Variants in CTNNA3 observed in about 807,000 individuals in gnomAD.
CTNNA3 encodes the protein catenin alpha 3.
Under a neutral mutation model 95.7 loss-of-function variants are expected in CTNNA3, and 76 were observed. That is an observed-to-expected ratio of 0.79 (90% CI 0.66 to 0.96). The LOEUF is 0.96. Among genes scored for constraint, CTNNA3 ranks in the 40% least tolerant of loss-of-function variants. The pLI, the probability that CTNNA3 is intolerant of heterozygous loss-of-function variation, is 0.00. For missense variants in CTNNA3, 1,191 were observed against 1,089.8 expected (o/e 1.09, Z -1.31); for synonymous variants, 431 against 374.4 (o/e 1.15, Z -1.74).
intron 7 of CTNNA3, among the ~76,000 whole-genome samples, chr10:66,782,617 C>G (rs1840585365): frequency 6.6e-6 from 1 of 151,996 alleles, no homozygotes; most frequent in Non-Finnish European, 1.5e-5. Context: ...TCTACACTGA[C>G]ACTTCTTAAA....
intron 13 of CTNNA3, among the ~76,000 whole-genome samples, chr10:66,171,595 A>G (rs957398540): frequency 2.0e-5 from 3 of 152,040 alleles, no homozygotes; most frequent in Non-Finnish European, 2.9e-5. Context: ...AAATGTGCAC[A>G]ATCTATGGAC....
chr10:66,445,692 A>G (rs1663626055), intron 11 of CTNNA3, among the ~76,000 whole-genome samples: 1 of 152,040 alleles, frequency 6.6e-6, no homozygotes, highest in East Asian at 1.9e-4. Flanking sequence ...AGGAAAATTT[A>G]TAGCACTAAA....
intron 14 of CTNNA3, among the ~76,000 whole-genome samples, chr10:66,084,392 T>TA (rs879547904): frequency 1.1e-4 from 17 of 150,476 alleles, no homozygotes; most frequent in South Asian, 1.0e-3. Context: ...AATTAAAAAC[T>TA]AAAAAAAAAG....
At chr10:66,487,104 T>TTATAA (rs1839756338) in intron 11 of CTNNA3, among the ~76,000 whole-genome samples, 2 of 151,134 alleles carry the variant, frequency 1.3e-5, no homozygotes, top group Admixed American at 1.3e-4. Context: ...ACGAATAAGT[T>TTATAA]CAGGGAATCT....
chr10:66,087,195 C>T (rs2081016165), intron 14 of CTNNA3, among the ~76,000 whole-genome samples: 1 of 152,054 alleles, frequency 6.6e-6, no homozygotes, highest in Non-Finnish European at 1.5e-5. Flanking sequence ...TTAAATCAAA[C>T]ACCATCTCCT....
At chr10:65,927,445 T>G (rs756278992) in intron 17 of CTNNA3, among the ~76,000 whole-genome samples, 5 of 152,218 alleles carry the variant, frequency 3.3e-5, no homozygotes, top group Non-Finnish European at 7.3e-5. Flanking sequence ...TTAAGCCTAT[T>G]ATCAGTCAAG....
chr10:66,158,922 T>C (rs1315622076), intron 13 of CTNNA3, among the ~76,000 whole-genome samples: 3 of 152,002 alleles, frequency 2.0e-5, no homozygotes, highest in South Asian at 4.1e-4. Context: ...TTGCAGCTAC[T>C]GTAAAAGGGG....
chr10:67,089,989 A>G (rs1370918763), intron 7 of CTNNA3, among the ~76,000 whole-genome samples: 2 of 152,126 alleles, frequency 1.3e-5, no homozygotes, highest in East Asian at 3.9e-4. Flanking sequence ...ATGAAACAAA[A>G]TAATCAAACT....
intron 12 of CTNNA3, among the ~76,000 whole-genome samples, chr10:66,365,332 C>T (rs1487904132): frequency 1.3e-5 from 2 of 151,974 alleles, no homozygotes; most frequent in African/African-American, 4.8e-5. Flanking sequence ...GGGAGTTGAA[C>T]AATGAGAACA....
chr10:66,051,539 A>G (rs995820068), intron 15 of CTNNA3, among the ~76,000 whole-genome samples: 2 of 152,216 alleles, frequency 1.3e-5, no homozygotes, highest in African/African-American at 4.8e-5. Flanking sequence ...TTTCTAGTTC[A>G]CAATATGTTG....
At chr10:66,152,143 C>G (rs1419136864) in intron 13 of CTNNA3, among the ~76,000 whole-genome samples, 1 of 151,788 alleles carries the variant, frequency 6.6e-6, no homozygotes, top group Admixed American at 6.6e-5. Context: ...AAAATAAGTA[C>G]CATTCAAAAA....
At chr10:67,054,136 T>A (rs1370964392) in intron 7 of CTNNA3, among the ~76,000 whole-genome samples, 1 of 152,106 alleles carries the variant, frequency 6.6e-6, no homozygotes, top group Non-Finnish European at 1.5e-5. Context: ...CATATTCACG[T>A]AAGAAGGCAA....
intron 13 of CTNNA3, among the ~76,000 whole-genome samples, chr10:66,110,854 G>T (rs1171409177): frequency 6.6e-6 from 1 of 152,106 alleles, no homozygotes; most frequent in African/African-American, 2.4e-5. Flanking sequence ...AACCTAGATG[G>T]TATAACCTAC....
intron 1 of CTNNA3, among the ~76,000 whole-genome samples, chr10:67,725,445 G>A (rs1369129817): frequency 6.6e-6 from 1 of 152,046 alleles, no homozygotes; most frequent in Non-Finnish European, 1.5e-5. Flanking sequence ...CCAAACTGGT[G>A]GGATTAAAGG....
chr10:66,958,406 C>G lies in CTNNA3; in HGVS notation c.1048-182882G>C, dbSNP rs57304661. 8.1e-3 allele frequency among the ~76,000 whole-genome samples: 1,219 copies of G among 149,898 alleles called. 18 individuals are homozygous for G. Among genetic ancestry groups the G allele is most frequent in the African/African-American group, 0.028 (1,143 of 40,780 alleles). On this transcript the variant is annotated intron_variant, in intron 7 of 17. Transcript: ENST00000433211. ...TAGAAAGCAGATTTAAACTCAGTCTCTAAAAGGCTTAACTTTGTGTACTAT... is the reference window on the plus strand; with the variant it reads ...TAGAAAGCAGATTTAAACTCAGTCTGTAAAAGGCTTAACTTTGTGTACTAT...
At chr10:67,345,129 A>C (rs527247659) in intron 5 of CTNNA3, among the ~76,000 whole-genome samples, 1 of 151,622 alleles carries the variant, frequency 6.6e-6, no homozygotes, top group South Asian at 2.1e-4. Context: ...AGGTTGTTTA[A>C]TTTCCTTTTA....
At chr10:67,301,886 G>A (rs534172803) in intron 5 of CTNNA3, among the ~76,000 whole-genome samples, 1 of 151,786 alleles carries the variant, frequency 6.6e-6, no homozygotes, top group Admixed American at 6.6e-5. Flanking sequence ...GGAGAATGGC[G>A]TGAACCCGGG....
intron 9 of CTNNA3, among the ~76,000 whole-genome samples, chr10:66,671,262 A>T (rs1459986396): frequency 6.6e-6 from 1 of 152,172 alleles, no homozygotes; most frequent in Non-Finnish European, 1.5e-5. Context: ...AATATGACGC[A>T]ATAACAATAT....
chr10:66,502,502 A>G (rs1840311236), intron 11 of CTNNA3, among the ~76,000 whole-genome samples: 1 of 152,136 alleles, frequency 6.6e-6, no homozygotes, highest in African/African-American at 2.4e-5. Flanking sequence ...TGTAGATAAC[A>G]CTGAAGTCCT....
Sources: gnomAD v4.1 joint callset for allele counts (sites outside exome capture counted in the v4.1 genomes callset) on GRCh38, gnomAD v4.1.1 for gene constraint, MANE v1.5 for transcripts, NCBI Gene and HGNC (gene_info 2026-07-23, HGNC 2026-07-21) for gene names.